Variants in UNC13B observed in about 807,000 individuals in gnomAD.
UNC13B encodes protein unc-13 homolog B.
In UNC13B, 144 loss-of-function variants were observed where a neutral mutation model predicts 211.0. That is an observed-to-expected ratio of 0.68 (90% CI 0.60 to 0.78). UNC13B has a LOEUF of 0.78. UNC13B is among the 30% of genes least tolerant of loss of function. The pLI, the probability that UNC13B is intolerant of heterozygous loss-of-function variation, is 0.00. For synonymous variants in UNC13B, 709 were observed against 725.8 expected, an observed-to-expected ratio of 0.98 and a Z score of 0.37; for missense variants, 1,777 against 2,002.0, an observed-to-expected ratio of 0.89 and a Z score of 2.14.
rs55749349 is a variant in UNC13B at position 35,399,132 on chromosome 9, C to T, written c.12075-29C>T. The T allele has an allele frequency of 1.4e-3, 2,314 of 1,614,180 alleles. 33 individuals carry two copies. Among genetic ancestry groups the T allele is most frequent in the Non-Finnish European group, 1.7e-4 (199 of 1,180,028 alleles). Reference sequence around the variant, plus strand: ...GGAGAGGGGTTCTCAAACTCTCACCCTGGTCTCACCTGTTGCCTGGACTTG... The same window carrying T: ...GGAGAGGGGTTCTCAAACTCTCACCTTGGTCTCACCTGTTGCCTGGACTTG... On this transcript the variant is annotated intron_variant, in intron 33 of 39. Transcript: ENST00000635942.
At chr9:35,361,648 A>G (rs1833419082) in intron 11 of UNC13B, 1 of 152,278 alleles carries the variant, frequency 6.6e-6, no homozygotes, top group African/African-American at 2.4e-5. Context: ...AATATTATAA[A>G]GGAAGATGTT....
rs572857237 is a variant in UNC13B at position 35,246,483 on chromosome 9, G to A, written c.468+3119G>A. On this transcript the variant is annotated intron_variant, in intron 6 of 39. Transcript: ENST00000635942. ...TTCTTCTAGGGTTTTTATGATTTTAGGTCTAACATTTAAGTCTTTAATCCA... is the reference window on the plus strand; with the variant it reads ...TTCTTCTAGGGTTTTTATGATTTTAAGTCTAACATTTAAGTCTTTAATCCA... 1.6e-3 allele frequency among the ~76,000 whole-genome samples: 250 copies of A among 152,204 alleles called. 4 individuals carry two copies. The South Asian group carries it at 0.05, about 31-fold the overall frequency.
chr9:35,259,534 T>C (rs963297789), intron 7 of UNC13B, among the ~76,000 whole-genome samples: 2 of 152,212 alleles, frequency 1.3e-5, no homozygotes, highest in Non-Finnish European at 2.9e-5. Context: ...TTCCATTTTA[T>C]ATTCTTTGCA....
chr9:35,208,454 C>A (rs1823785622), intron 1 of UNC13B, among the ~76,000 whole-genome samples: 1 of 152,082 alleles, frequency 6.6e-6, no homozygotes, highest in African/African-American at 2.4e-5. Context: ...ATACCTGAGA[C>A]TGGGTAATTT....
At chr9:35,343,707 G>A (rs1832167455) in intron 11 of UNC13B, among the ~76,000 whole-genome samples, 1 of 152,058 alleles carries the variant, frequency 6.6e-6, no homozygotes, top group South Asian at 2.1e-4. Context: ...TCTACTGCCA[G>A]GTTTGGAAGG....
chr9:35,385,406 A>G, intron 22 of UNC13B: 1 of 985,436 alleles, frequency 1.0e-6, no homozygotes, highest in Non-Finnish European at 1.2e-6. Flanking sequence ...TTCATCCAAG[A>G]AAAAAGCATG....
chr9:35,403,715 T>C (rs2132403038), intron 39 of UNC13B, 33 bp from the exon 40 acceptor site: 1 of 1,612,196 alleles, frequency 6.2e-7, no homozygotes, highest in Non-Finnish European at 8.5e-7. Context: ...AAGACTCAAC[T>C]CTGGCCTCAT....
chr9:35,255,253 C>G (rs1826808485), intron 6 of UNC13B, among the ~76,000 whole-genome samples: 1 of 150,224 alleles, frequency 6.7e-6, no homozygotes, highest in Non-Finnish European at 1.5e-5. Flanking sequence ...TATTAACAGA[C>G]TTCATTTTTT....
intron 1 of UNC13B, among the ~76,000 whole-genome samples, chr9:35,198,101 TA>T (rs1362733088): frequency 1.3e-5 from 2 of 152,224 alleles, no homozygotes; most frequent in African/African-American, 4.8e-5. Flanking sequence ...TTCCTATTCA[TA>T]ACATGTGTTC....
chr9:35,352,254 C>T (rs1832761759), intron 11 of UNC13B: 1 of 1,232,160 alleles, frequency 8.1e-7, no homozygotes, highest in Non-Finnish European at 1.0e-6. Flanking sequence ...AGCTTTCTAG[C>T]CAAGCACCTT....
intron 3 of UNC13B, among the ~76,000 whole-genome samples, chr9:35,232,732 T>G (rs1326581735): frequency 6.6e-6 from 1 of 152,142 alleles, no homozygotes; most frequent in African/African-American, 2.4e-5. Context: ...GTACAGAAGA[T>G]AGTTAGAAAC....
At chr9:35,379,705 C>T (rs1372315694) in intron 17 of UNC13B, among the ~76,000 whole-genome samples, 1 of 152,198 alleles carries the variant, frequency 6.6e-6, no homozygotes, top group African/African-American at 2.4e-5. Context: ...AGAACAATCC[C>T]TGGCTTCAAG....
intron 1 of UNC13B, among the ~76,000 whole-genome samples, chr9:35,172,892 C>T (rs1821409082): frequency 1.3e-5 from 2 of 152,124 alleles, no homozygotes; most frequent in Non-Finnish European, 2.9e-5. Flanking sequence ...AATTCTTAGT[C>T]ATTAGGAAAT....
At chr9:35,235,446 C>T (rs1160440924) in intron 3 of UNC13B, among the ~76,000 whole-genome samples, 1 of 151,884 alleles carries the variant, frequency 6.6e-6, no homozygotes, top group Non-Finnish European at 1.5e-5. Flanking sequence ...ATCCCCCCCG[C>T]CCCGCCCCGG....
At chr9:35,247,963 G>A (rs1249148513) in intron 6 of UNC13B, among the ~76,000 whole-genome samples, 7 of 152,182 alleles carry the variant, frequency 4.6e-5, no homozygotes, top group African/African-American at 9.6e-5. Flanking sequence ...GGTAGAATTC[G>A]GCTGTGAATC....
chr9:35,301,100 C>G lies in UNC13B; in HGVS notation c.1696C>G (p.Pro566Ala). The G allele has an allele frequency of 2.5e-6, 1 of 398,748 alleles. No individual in the cohort carries two copies. Among genetic ancestry groups the G allele is most frequent in the Non-Finnish European group, 4.4e-6 (1 of 225,940 alleles). The allele number at this position is 398,748 out of a possible 1,614,324, so 24.7% of individuals were successfully genotyped here. A position where few individuals can be genotyped will look rare whatever the true frequency, so the allele number is the denominator to read the frequency against. Residue 566 changes from proline to alanine, a missense_variant, in exon 9 of 40, where the codon CCA becomes GCA. Physicochemically the swap from Pro to Ala is conservative, Grantham distance 27 (BLOSUM62 -1). Coordinates refer to ENST00000635942, the MANE Select transcript of UNC13B (RefSeq NM_001371189.2). ...NSVEKLVSLV[P>A]EKTETLNQIE... ...TGTGGAAAAGTTGGTTTCCTTAGTT[C>G]CAGAAAAAACAGAAACTCTTAATCA...
chr9:35,336,583 A>T (rs970700954), intron 11 of UNC13B, among the ~76,000 whole-genome samples: 4 of 152,094 alleles, frequency 2.6e-5, no homozygotes. Flanking sequence ...TGCTGCCTTG[A>T]CGCCCTGGGC....
rs186900432 is a variant in UNC13B at position 35,377,804 on chromosome 9, G to A, written c.10063+109G>A. 2.5e-5 allele frequency: 29 copies of A among 1,149,820 alleles called. No homozygotes were observed. In the East Asian group the frequency reaches 7.2e-4, roughly 29 times the overall value. 71.2% of individuals were successfully genotyped at this position (1,149,820 alleles called of 1,614,324 possible). A position where few individuals can be genotyped will look rare whatever the true frequency, so the allele number is the denominator to read the frequency against. ...GCAAGGGATTAGGGAGAAAGAAAAA[G>A]GAAATCACTGGGAAGGAAAGGCCTC... is the stretch of plus-strand genomic sequence containing the variant. On this transcript the variant is annotated intron_variant, in intron 16 of 39. Coordinates refer to ENST00000635942, the MANE Select transcript of UNC13B (RefSeq NM_001371189.2).
In UNC13B at chr9:35,405,300, A is replaced by G. The variant is rs958594484; in HGVS notation, c.*1267A>G. On this transcript the variant is annotated 3_prime_UTR_variant, in exon 40 of 40. Coordinates refer to ENST00000635942, the MANE Select transcript of UNC13B (RefSeq NM_001371189.2). Reference sequence around the variant, plus strand: ...ATTATATGTGCCATTGTTACAGGAGATTATAGGCTAGTCTGTAATAAATTA... The same window carrying G: ...ATTATATGTGCCATTGTTACAGGAGGTTATAGGCTAGTCTGTAATAAATTA... 6.6e-6 allele frequency: 1 copy of G among 152,592 alleles called. No homozygotes were observed. The highest frequency in any genetic ancestry group is 6.5e-5 in the Admixed American group (1 of 15,278). The allele number at this position is 152,592 out of a possible 1,614,324, so 9.5% of individuals were successfully genotyped here.
Sources: allele counts gnomAD v4.1 joint callset (sites outside exome capture counted in the v4.1 genomes callset), GRCh38; gene constraint gnomAD v4.1.1; transcripts MANE v1.5; gene names NCBI Gene and HGNC (gene_info 2026-07-23, HGNC 2026-07-21).